Variants in NUP107 observed in about 807,000 individuals in gnomAD.
The protein encoded by NUP107 is nucleoporin 107.
In NUP107, 101 loss-of-function variants were observed where a neutral mutation model predicts 141.0. The ratio of observed to expected loss-of-function variants is 0.72; its 90% confidence interval spans 0.61 to 0.84. The LOEUF (loss-of-function observed/expected upper bound fraction) is 0.84. Ranked by LOEUF, NUP107 falls within the 40% of genes least tolerant of loss-of-function variation. NUP107 has a pLI of 0.00. For synonymous variants in NUP107, 319 were observed against 363.9 expected (o/e 0.88, Z 1.41); for missense variants, 941 against 1,102.7 (o/e 0.85, Z 2.08).
chr12:68,719,569 A>G lies in NUP107; in HGVS notation c.1175-9A>G, dbSNP rs2136030121. Reference sequence around the variant, plus strand: ...TTTAAACCAGAAATTTTCTTTTGCTATTTTATAGGAACAGAATTAGAACCT... The same window carrying G: ...TTTAAACCAGAAATTTTCTTTTGCTGTTTTATAGGAACAGAATTAGAACCT... On this transcript the variant is annotated splice_polypyrimidine_tract_variant and intron_variant, in intron 13 of 27. Coordinates refer to ENST00000229179, the MANE Select transcript of NUP107 (RefSeq NM_020401.4). 1 of 1,606,156 alleles carries G rather than the reference A, an allele frequency of 6.2e-7. No individual in the cohort carries two copies. Among genetic ancestry groups the G allele is most frequent in the Non-Finnish European group, 8.5e-7 (1 of 1,175,256 alleles).
intron 26 of NUP107, among the ~76,000 whole-genome samples, chr12:68,741,198 C>T (rs931660211): frequency 2.0e-5 from 3 of 151,918 alleles, no homozygotes. Context: ...CTGTTCACAT[C>T]GATTTTAAGA....
intron 11 of NUP107, among the ~76,000 whole-genome samples, chr12:68,715,261 C>A (rs574930182): frequency 6.6e-5 from 10 of 152,104 alleles, no homozygotes; most frequent in African/African-American, 2.4e-4. Context: ...TTTGGGTGGC[C>A]GAGGTGGGTG....
At chr12:68,731,000 T>G in intron 20 of NUP107, 110 bp from the exon 21 acceptor site, 1 of 625,898 alleles carries the variant, frequency 1.6e-6, no homozygotes, top group Non-Finnish European at 2.6e-6. Flanking sequence ...ATTATTCTGT[T>G]TAGCAACACA....
intron 17 of NUP107, among the ~76,000 whole-genome samples, chr12:68,723,583 C>G (rs899260866): frequency 6.6e-6 from 1 of 151,478 alleles, no homozygotes; most frequent in South Asian, 2.1e-4. Context: ...GCAACAAGAG[C>G]GAAACTCTGT....
intron 7 of NUP107, 76 bp from the exon 8 acceptor site, chr12:68,702,660 C>G: frequency 1.0e-6 from 1 of 991,600 alleles, no homozygotes; most frequent in Non-Finnish European, 1.5e-6. Context: ...AATTTTCCTT[C>G]TCTCAGATGC....
intron 11 of NUP107, 82 bp from the exon 12 acceptor site, chr12:68,715,544 GT>G (rs1877065309): frequency 2.6e-6 from 2 of 760,718 alleles, no homozygotes; most frequent in African/African-American, 3.5e-5. Flanking sequence ...CTCAGGATAG[GT>G]TTATCATCTC....
intron 8 of NUP107, 115 bp from the exon 9 acceptor site, chr12:68,709,123 A>G (rs921404887): frequency 7.3e-6 from 5 of 684,238 alleles, no homozygotes; most frequent in South Asian, 3.5e-5. Context: ...ATGTTTATGT[A>G]TAGATGATTA....
At chr12:68,710,598 T>A (rs1592504381) in intron 10 of NUP107, among the ~76,000 whole-genome samples, 1 of 139,368 alleles carries the variant, frequency 7.2e-6, no homozygotes, top group African/African-American at 2.7e-5. Flanking sequence ...GAGGTTGCAG[T>A]GAGCCGAGTT....
At chr12:68,725,883 C>T (rs1038001358) in intron 18 of NUP107, 87 bp downstream of exon 18, 8 of 700,650 alleles carry the variant, frequency 1.1e-5, no homozygotes, top group African/African-American at 1.9e-5. Flanking sequence ...GTTGCCCAGA[C>T]TGGAGTGCAG....
At chr12:68,734,959 G>T in intron 25 of NUP107, 126 bp downstream of exon 25, 1 of 1,117,742 alleles carries the variant, frequency 8.9e-7, no homozygotes, top group African/African-American at 1.6e-5. Flanking sequence ...TTAATGTCCT[G>T]CTTTGGAAGA....
chr12:68,706,171 C>T (rs543253733), intron 8 of NUP107: 45 of 766,642 alleles, frequency 5.9e-5, no homozygotes, highest in South Asian at 5.4e-4. Context: ...AGAACAAGTA[C>T]GAGGATGATA....
At chr12:68,689,112 G>T (rs1342895808) in intron 2 of NUP107, 59 bp downstream of exon 2, 3 of 1,397,584 alleles carry the variant, frequency 2.1e-6, no homozygotes, top group Non-Finnish European at 2.0e-6. Flanking sequence ...AATCAGTGTT[G>T]TAGAATTTTC....
chr12:68,724,636 C>T (rs1218361830), intron 17 of NUP107, among the ~76,000 whole-genome samples: 5 of 151,966 alleles, frequency 3.3e-5, no homozygotes, highest in East Asian at 1.9e-4. Context: ...AAAAATTAGC[C>T]GGGTGTGGTG....
chr12:68,704,241 C>T (rs1305276820), intron 8 of NUP107, among the ~76,000 whole-genome samples: 2 of 152,070 alleles, frequency 1.3e-5, no homozygotes, highest in Non-Finnish European at 2.9e-5. Flanking sequence ...TAAAACTGGC[C>T]TTGGCTGGAT....
At chr12:68,728,008 C>T (rs890194424) in intron 20 of NUP107, among the ~76,000 whole-genome samples, 20 of 152,200 alleles carry the variant, frequency 1.3e-4, no homozygotes, top group African/African-American at 3.9e-4. Context: ...AGGGGCTCGG[C>T]GAGGTGGCTC....
In NUP107 at chr12:68,692,314, C is replaced by T. The variant is rs142808358; in HGVS notation, c.448+202C>T. The T allele has an allele frequency of 0.021, 10,393 of 504,874 alleles. 155 individuals are homozygous for T. Among genetic ancestry groups the T allele is most frequent in the Non-Finnish European group, 0.026 (7,818 of 297,236 alleles). The allele number at this position is 504,874 out of a possible 1,614,324, so 31.3% of individuals were successfully genotyped here. ...CTCACTCTGTTGCCGGGCGCGGTGGCTCATGCCTATAATCCTAGCACTTTG... is the reference window on the plus strand; with the variant it reads ...CTCACTCTGTTGCCGGGCGCGGTGGTTCATGCCTATAATCCTAGCACTTTG... On this transcript the variant is annotated intron_variant, in intron 5 of 27. Transcript: ENST00000229179.
intron 24 of NUP107, among the ~76,000 whole-genome samples, chr12:68,734,307 A>T (rs943468656): frequency 6.6e-6 from 1 of 152,116 alleles, no homozygotes; most frequent in African/African-American, 2.4e-5. Context: ...CAAAAAAAAA[A>T]TTTTATTCAA....
At chr12:68,741,488 A>G (rs1878318597) in intron 26 of NUP107, among the ~76,000 whole-genome samples, 1 of 152,076 alleles carries the variant, frequency 6.6e-6, no homozygotes, top group South Asian at 2.1e-4. Flanking sequence ...CCTTAGAGCT[A>G]TCTTTATTTA....
At chr12:68,699,500 GT>G (rs1876223675) in intron 6 of NUP107, among the ~76,000 whole-genome samples, 3 of 152,180 alleles carry the variant, frequency 2.0e-5, no homozygotes, top group Admixed American at 2.0e-4. Flanking sequence ...ATCATTTAAT[GT>G]TTCAATAATT....
Sources: gnomAD v4.1 joint callset for allele counts (sites outside exome capture counted in the v4.1 genomes callset) on GRCh38, gnomAD v4.1.1 for gene constraint, MANE v1.5 for transcripts, NCBI Gene and HGNC (gene_info 2026-07-23, HGNC 2026-07-21) for gene names.